The following ELFN1 variants were observed in gnomAD, a reference collection of about 807,000 sequenced individuals.
ELFN1 encodes the protein protein ELFN1.
In ELFN1, 6 loss-of-function variants were observed where a neutral mutation model predicts 7.6. The ratio of observed to expected loss-of-function variants is 0.79; its 90% CI spans 0.43 to 1.56. The LOEUF is 1.56. Ranked by LOEUF, ELFN1 falls within the 40% of genes most tolerant of loss-of-function variation. The pLI is 0.01. For missense variants in ELFN1, 1,169 were observed against 1,232.2 expected, an observed-to-expected ratio of 0.95 and a Z score of 0.77; for synonymous variants, 657 against 588.1, an observed-to-expected ratio of 1.12 and a Z score of -1.70.
chr7:1,731,306 C>A (rs1437016279), intron 3 of ELFN1, among the ~76,000 whole-genome samples: 1 of 152,278 alleles, frequency 6.6e-6, no homozygotes, highest in South Asian at 2.1e-4. Flanking sequence ...TCTAAAAGTT[C>A]ATCTGAATGA....
At chr7:1,727,696 C>T (rs1373258748) in intron 3 of ELFN1, among the ~76,000 whole-genome samples, 4 of 152,114 alleles carry the variant, frequency 2.6e-5, no homozygotes, top group Non-Finnish European at 5.9e-5. Context: ...GTAGCCTCCA[C>T]CTCCTGGGCT....
At chr7:1,685,989 A>G (rs896765727) in intron 1 of ELFN1, among the ~76,000 whole-genome samples, 2 of 148,026 alleles carry the variant, frequency 1.4e-5, no homozygotes, top group African/African-American at 4.9e-5. Flanking sequence ...ATATATATTT[A>G]TATTATAAAA....
In ELFN1 at chr7:1,744,302, A is replaced by C; in HGVS notation, c.-293-2A>C. 2.5e-6 allele frequency: 1 copy of C among 401,990 alleles called. No homozygotes were observed. Among genetic ancestry groups the C allele is most frequent in the Non-Finnish European group, 4.4e-6 (1 of 227,948 alleles). The allele number at this position is 401,990 out of a possible 1,614,324, so 24.9% of individuals were successfully genotyped here. ...ACCGCTGTCTTCTCTCTTGTCTTGC[A>C]GCAGGAACGTCGGAGCAGGAGGAGT... On this transcript the variant is annotated splice_acceptor_variant, in intron 3 of 3. Coordinates refer to ENST00000424383, the MANE Select transcript of ELFN1 (RefSeq NM_001128636.4). LOFTEE classifies it low-confidence loss of function (5UTR_SPLICE).
In ELFN1 at chr7:1,670,985, C is replaced by T. The variant is rs1447930984; in HGVS notation, c.-549+631C>T. 1.1e-5 allele frequency among the ~76,000 whole-genome samples: 1 copy of T among 92,702 alleles called. No homozygotes were observed. The highest frequency in any genetic ancestry group is 3.1e-5 in the Non-Finnish European group (1 of 32,198). The allele number at this position is 92,702 out of a possible 152,430, so 60.8% of individuals were successfully genotyped here. On this transcript the variant is annotated intron_variant, in intron 1 of 3. Coordinates refer to ENST00000424383, the MANE Select transcript of ELFN1 (RefSeq NM_001128636.4). The surrounding 1 kb of genome is among the most constrained non-coding windows in gnomAD (Gnocchi z 6.4). ...ACTGAACTTACTGGGTGCTTTCCAC[C>T]CCTCGCCCCACCTGGAGTCCATCCT...
chr7:1,683,819 T>C (rs1779015497), intron 1 of ELFN1, among the ~76,000 whole-genome samples: 1 of 152,352 alleles, frequency 6.6e-6, no homozygotes, highest in Non-Finnish European at 1.5e-5. Context: ...TTTGACAATA[T>C]TTCTTGTCTT....
At chr7:1,722,049 G>C (rs1458438155) in intron 3 of ELFN1, among the ~76,000 whole-genome samples, 2 of 152,156 alleles carry the variant, frequency 1.3e-5, no homozygotes, top group Admixed American at 6.5e-5. Context: ...TGGCTGACCT[G>C]GTCAGGGGCC....
intron 2 of ELFN1, among the ~76,000 whole-genome samples, chr7:1,697,439 T>A (rs574271173): frequency 6.6e-6 from 1 of 152,282 alleles, no homozygotes; most frequent in South Asian, 2.1e-4. Flanking sequence ...GCTCTGTGGG[T>A]AGGACTGAGC....
At chr7:1,729,415 C>T (rs958339015) in intron 3 of ELFN1, among the ~76,000 whole-genome samples, 3 of 152,146 alleles carry the variant, frequency 2.0e-5, no homozygotes, top group African/African-American at 4.8e-5. Flanking sequence ...CTCCTTCACT[C>T]CCAAGCCAGT....
At chr7:1,696,176 G>A (rs1779303820) in intron 2 of ELFN1, among the ~76,000 whole-genome samples, 1 of 140,760 alleles carries the variant, frequency 7.1e-6, no homozygotes, top group Admixed American at 6.8e-5. Flanking sequence ...GAGAGAGAGA[G>A]TGTGTGTGTG....
chr7:1,668,258 G>A (rs1048816888), upstream of ELFN1, among the ~76,000 whole-genome samples: 1 of 152,244 alleles, frequency 6.6e-6, no homozygotes, highest in African/African-American at 2.4e-5. Context: ...TTTGCACCCC[G>A]AGGAAATGGA....
intron 3 of ELFN1, among the ~76,000 whole-genome samples, chr7:1,724,979 G>T (rs1267863953): frequency 6.6e-6 from 1 of 152,220 alleles, no homozygotes; most frequent in Non-Finnish European, 1.5e-5. Context: ...ACCATGCCGG[G>T]CATGGCCCTG....
intron 1 of ELFN1, among the ~76,000 whole-genome samples, chr7:1,675,372 G>A (rs1778849003): frequency 6.6e-6 from 1 of 152,238 alleles, no homozygotes; most frequent in South Asian, 2.1e-4. Context: ...CCCCGGCATT[G>A]CTGCCCTGAC....
At chr7:1,678,035 G>T (rs1459054691) in intron 1 of ELFN1, among the ~76,000 whole-genome samples, 1 of 152,132 alleles carries the variant, frequency 6.6e-6, no homozygotes, top group Non-Finnish European at 1.5e-5. Context: ...TGAGTCCCCA[G>T]AGACAGCTTT....
intron 2 of ELFN1, among the ~76,000 whole-genome samples, chr7:1,706,970 G>A (rs754693967): frequency 3.3e-5 from 5 of 152,036 alleles, no homozygotes; most frequent in Admixed American, 6.6e-5. Context: ...CTCTGTGTGC[G>A]CATGCATGAG....
chr7:1,729,132 C>T (rs1780270956), intron 3 of ELFN1, among the ~76,000 whole-genome samples: 1 of 152,232 alleles, frequency 6.6e-6, no homozygotes, highest in Admixed American at 6.5e-5. Flanking sequence ...CTCTGCTCAA[C>T]TCACTGCCAG....
chr7:1,709,947 G>A (rs976036694), intron 3 of ELFN1, among the ~76,000 whole-genome samples: 1 of 152,184 alleles, frequency 6.6e-6, no homozygotes, highest in Non-Finnish European at 1.5e-5. Context: ...TTGGATTTGG[G>A]AAACTGTACT....
At chr7:1,675,961 C>T (rs1778862278) in intron 1 of ELFN1, among the ~76,000 whole-genome samples, 1 of 152,108 alleles carries the variant, frequency 6.6e-6, no homozygotes, top group South Asian at 2.1e-4. Flanking sequence ...CAGGATGTGT[C>T]TCCTGGGCGT....
chr7:1,713,763 T>A (rs1055317570), intron 3 of ELFN1, among the ~76,000 whole-genome samples: 4 of 152,152 alleles, frequency 2.6e-5, no homozygotes, highest in Non-Finnish European at 5.9e-5. Context: ...GGGGGGGCGA[T>A]GTCCTTGCCA....
chr7:1,723,819 G>A (rs189614007), intron 3 of ELFN1, among the ~76,000 whole-genome samples: 1 of 152,356 alleles, frequency 6.6e-6, no homozygotes, highest in East Asian at 1.9e-4. Flanking sequence ...ACGGGGTTGG[G>A]GAGCCTTCTG....
Sources: gnomAD v4.1 joint callset for allele counts (sites outside exome capture counted in the v4.1 genomes callset) on GRCh38, gnomAD v4.1.1 for gene constraint, Gnocchi (gnomAD v3.1) non-coding constraint, MANE v1.5 for transcripts, NCBI Gene and HGNC (gene_info 2026-07-23, HGNC 2026-07-21) for gene names.